RNF217: variants seen among roughly 807,000 people sequenced by gnomAD.
RNF217 encodes E3 ubiquitin-protein ligase RNF217.
Under a neutral mutation model 57.8 loss-of-function variants are expected in RNF217, and 31 were observed. That is an observed-to-expected ratio of 0.54 (90% CI 0.40 to 0.72). The LOEUF (loss-of-function observed/expected upper bound fraction) is 0.72, where lower values mean the gene tolerates loss of function less well. Among genes scored for constraint, RNF217 ranks in the 30% least tolerant of loss-of-function variants. RNF217 has a pLI of 0.00. For synonymous variants in RNF217, 313 were observed against 294.0 expected, an observed-to-expected ratio of 1.06 and a Z score of -0.66; for missense variants, 696 against 708.3, an observed-to-expected ratio of 0.98 and a Z score of 0.20.
intron 1 of RNF217, among the ~76,000 whole-genome samples, chr6:124,998,228 C>T (rs945763400): frequency 3.3e-5 from 5 of 151,976 alleles, no homozygotes; most frequent in African/African-American, 1.2e-4. Flanking sequence ...CTCATTTTGC[C>T]CCTCTATTCT....
chr6:124,982,551 C>T (rs1784219173), intron 1 of RNF217, among the ~76,000 whole-genome samples: 1 of 151,408 alleles, frequency 6.6e-6, no homozygotes, highest in African/African-American at 2.4e-5. Context: ...AAAAAGGATT[C>T]CTGCATTGAA....
intron 1 of RNF217, among the ~76,000 whole-genome samples, chr6:125,010,590 CTTAAGT>C (rs757425110): frequency 1.2e-4 from 18 of 152,212 alleles, no homozygotes; most frequent in South Asian, 8.3e-4. Flanking sequence ...TTTAAACAAG[CTTAAGT>C]TTATTTTATG....
intron 1 of RNF217, among the ~76,000 whole-genome samples, chr6:124,978,434 T>C (rs1298824733): frequency 6.6e-6 from 1 of 150,764 alleles, no homozygotes; most frequent in Non-Finnish European, 1.5e-5. Flanking sequence ...TGCCAGCAAC[T>C]AGATGAGGGG....
intron 1 of RNF217, among the ~76,000 whole-genome samples, chr6:125,019,841 G>GA (rs61622422): frequency 2.0e-5 from 3 of 149,604 alleles, no homozygotes; most frequent in Admixed American, 6.7e-5. Flanking sequence ...AGTGGGGGGG[G>GA]AGTGAAAAAA....
rs376197445 is a variant in RNF217, at chr6:125,050,773, G to GT, written c.1116+5330dup. ...TTACAAATGGAGAATCTAGTTGTGC[G>GT]TCTTCCCTGCAAGGTTAGGGTAGCT... is the stretch of plus-strand genomic sequence containing the variant. On this transcript the variant is annotated intron_variant, in intron 2 of 5. Transcript: ENST00000521654. Among the ~76,000 whole-genome samples the GT allele has an allele frequency of 3.6e-3, 542 of 151,470 alleles. 2 individuals are homozygous for GT. Among genetic ancestry groups the GT allele is most frequent in the African/African-American group, 0.013 (527 of 41,324 alleles).
rs554903621 is a variant in RNF217, at chr6:124,986,000, T to C, written c.882+22574T>C. ...TGAAACTCAGCCATCAATGCAATAG[T>C]GTTAAGAGATGAGGCGGGCCTTTGG... On this transcript the variant is annotated intron_variant, in intron 1 of 5. Transcript: ENST00000521654. Among the ~76,000 whole-genome samples, 3 of 152,282 alleles carry C rather than the reference T, an allele frequency of 2.0e-5. No homozygotes were observed. The East Asian group carries it at 5.8e-4, about 29-fold the overall frequency.
chr6:125,053,692 A>G (rs1189367275), intron 2 of RNF217, among the ~76,000 whole-genome samples: 1 of 152,086 alleles, frequency 6.6e-6, no homozygotes, highest in Non-Finnish European at 1.5e-5. Flanking sequence ...AGGGCAGGTG[A>G]GTCGGCGTAC....
Position 125,086,432 on chromosome 6 carries a change from T to C in RNF217, c.*3495T>C, listed in dbSNP as rs868140721. ...ATTTAAATCAAATACCCAAGCCAAA[T>C]TGGTGATACTTTTCGCATTTTTAGT... On this transcript the variant is annotated 3_prime_UTR_variant, in exon 6 of 6. Transcript: ENST00000521654. 19 of 151,986 alleles carry C rather than the reference T, an allele frequency of 1.3e-4. No homozygotes were observed. The highest frequency in any genetic ancestry group is 3.3e-4 in the Admixed American group (5 of 15,238). 9.4% of individuals were successfully genotyped at this position (151,986 alleles called of 1,614,324 possible).
intron 3 of RNF217, among the ~76,000 whole-genome samples, chr6:125,065,013 C>T (rs1223951831): frequency 2.6e-5 from 4 of 151,942 alleles, no homozygotes; most frequent in African/African-American, 7.2e-5. Context: ...TATGCAATCA[C>T]GCCGGTAATC....
chr6:124,992,554 A>G (rs971240945), intron 1 of RNF217, among the ~76,000 whole-genome samples: 2 of 152,138 alleles, frequency 1.3e-5, no homozygotes, highest in African/African-American at 2.4e-5. Flanking sequence ...AGTGTATTAT[A>G]TAATAAAAGT....
In RNF217 at chr6:125,088,109, C is replaced by T. The variant is rs1788826444; in HGVS notation, c.*5172C>T. On this transcript the variant is annotated 3_prime_UTR_variant, in exon 6 of 6. Coordinates refer to ENST00000521654, the MANE Select transcript of RNF217 (RefSeq NM_001286398.3). ...GGCTCAAGCGATCCTCCCTCCTCTG[C>T]CTCTGGAGTAGCTGGGATTACAAGC... 3 of 150,302 alleles carry T rather than the reference C, an allele frequency of 2.0e-5. No individual in the cohort carries two copies. The highest frequency in any genetic ancestry group is 4.4e-5 in the Non-Finnish European group (3 of 67,744). The allele number at this position is 150,302 out of a possible 1,614,324, so 9.3% of individuals were successfully genotyped here.
chr6:124,989,955 T>C (rs1784497966), intron 1 of RNF217, among the ~76,000 whole-genome samples: 1 of 152,054 alleles, frequency 6.6e-6, no homozygotes, highest in Non-Finnish European at 1.5e-5. Flanking sequence ...TCTTGTGTGC[T>C]TTCTTTATAA....
In RNF217 at chr6:125,076,808, A is replaced by G. The variant is rs752528685; in HGVS notation, c.1433A>G (p.Tyr478Cys). The change falls in exon 4 of 6, where the codon TAC becomes TGC. Residue 478 changes from tyrosine (Y) to cysteine (C), a missense_variant. By Grantham distance (194) the Tyr-to-Cys change is radical. Transcript: ENST00000521654. ...AGTATATTTGGATGCAAATATCGCT[A>G]CCTCCCAGAGAGACCTCATTTAAGG... The part of the protein sequence containing the change: ...NLSIFGCKYR[Y>C]LPERPHLRRL... 1.2e-6 allele frequency: 2 copies of G among 1,613,622 alleles called. No individual in the cohort carries two copies. The highest frequency in any genetic ancestry group is 1.7e-5 in the Admixed American group (1 of 59,946).
chr6:124,963,044 A>G lies in RNF217; in HGVS notation c.500A>G (p.Tyr167Cys). ...LAKRQVFCSV[Y>C]CVESDLPEAP... The stretch of plus-strand genomic sequence containing the variant: ...AAGAGACAAGTCTTCTGCTCCGTGT[A>G]CTGCGTGGAGAGCGACCTGCCCGAG... The change falls in exon 1 of 6, where the codon TAC becomes TGC. Residue 167 changes from tyrosine to cysteine, a missense_variant. Around this residue, in one of 2 missense-constraint regions of RNF217, gnomAD observed 465 missense variants for 386.8 expected, o/e 1.20. Coordinates refer to ENST00000521654, the MANE Select transcript of RNF217 (RefSeq NM_001286398.3). The G allele has an allele frequency of 6.3e-7, 1 of 1,585,266 alleles. No individual in the cohort carries two copies. Among genetic ancestry groups the G allele is most frequent in the Non-Finnish European group, 8.5e-7 (1 of 1,174,056 alleles).
At position 124,963,130 on chromosome 6, in the gene RNF217, A is replaced by G. The variant is rs1451949543; in HGVS notation, c.586A>G (p.Asn196Asp). Residue 196 changes from asparagine to aspartate, a missense_variant, in exon 1 of 6, where the codon AAC becomes GAC. Asn to Asp is a conservative substitution (Grantham distance 23). Transcript: ENST00000521654. ...GCCACCTGGGGCTCCGCCAGTGTTG[A>G]ACCCTCCCAGCACCCGCTCTTCCTT... ...ASPPGAPPVL[N>D]PPSTRSSFPS... 4 of 1,534,870 alleles carry G rather than the reference A, an allele frequency of 2.6e-6. No homozygotes were observed. The highest frequency in any genetic ancestry group is 3.5e-6 in the Non-Finnish European group (4 of 1,146,478).
rs1788872459 is a variant in RNF217, at chr6:125,089,533, A to T, written c.*6596A>T. 6.6e-6 allele frequency: 1 copy of T among 152,204 alleles called. No homozygotes were observed. Among genetic ancestry groups the T allele is most frequent in the Non-Finnish European group, 1.5e-5 (1 of 68,028 alleles). The allele number at this position is 152,204 out of a possible 1,614,324, so 9.4% of individuals were successfully genotyped here. ...GTAGGTCACATTGAATGTAACTGATATTAACCCTATTCTAGAGAAAACATT... is the reference window on the plus strand; with the variant it reads ...GTAGGTCACATTGAATGTAACTGATTTTAACCCTATTCTAGAGAAAACATT... On this transcript the variant is annotated 3_prime_UTR_variant, in exon 6 of 6. Coordinates refer to ENST00000521654, the MANE Select transcript of RNF217 (RefSeq NM_001286398.3).
intron 1 of RNF217, among the ~76,000 whole-genome samples, chr6:124,974,485 AT>A (rs1440189879): frequency 1.3e-5 from 2 of 152,200 alleles, no homozygotes; most frequent in African/African-American, 4.8e-5. Flanking sequence ...AAAATTAAAT[AT>A]TTTAGGTAGT....
chr6:125,010,999 C>T (rs1421636664), intron 1 of RNF217, among the ~76,000 whole-genome samples: 1 of 152,138 alleles, frequency 6.6e-6, no homozygotes, highest in Non-Finnish European at 1.5e-5. Flanking sequence ...CACTAGCATG[C>T]CAGACACATT....
At chr6:125,059,594 CA>C (rs1454687455) in intron 3 of RNF217, among the ~76,000 whole-genome samples, 1 of 152,114 alleles carries the variant, frequency 6.6e-6, no homozygotes, top group Non-Finnish European at 1.5e-5. Context: ...GAATGAGCAC[CA>C]CTGCAGCATT....
Sources: allele counts gnomAD v4.1 joint callset (sites outside exome capture counted in the v4.1 genomes callset), GRCh38; gene constraint gnomAD v4.1.1; regional missense constraint gnomAD v4.1.1; transcripts MANE v1.5; gene names NCBI Gene and HGNC (gene_info 2026-07-23, HGNC 2026-07-21).